ZC3H12B: variants seen among roughly 807,000 people sequenced by gnomAD.
ZC3H12B encodes probable ribonuclease ZC3H12B.
ZC3H12B carries 7 observed loss-of-function variants against 43.9 expected under a neutral mutation model. The observed-to-expected ratio is 0.16, with a 90% confidence interval of 0.09 to 0.30. ZC3H12B has a LOEUF of 0.30. Among genes scored for constraint, ZC3H12B ranks in the 10% least tolerant of loss-of-function variants. The pLI is 1.00. For missense variants in ZC3H12B, 475 were observed against 670.2 expected (o/e 0.71, Z 3.22); for synonymous variants, 222 against 241.7 (o/e 0.92, Z 0.76).
At chrX:65,154,922 A>T in the ZC3H12B span, among the ~76,000 whole-genome samples, 3 of 111,282 alleles carry the variant, frequency 2.7e-5, no homozygotes, top group African/African-American at 9.8e-5. Context: ...AATGGTTATT[A>T]TCTATTAGCT....
chrX:65,078,389 C>G, the ZC3H12B span, among the ~76,000 whole-genome samples: 1 of 111,934 alleles, frequency 8.9e-6, no homozygotes, highest in Non-Finnish European at 1.9e-5. Flanking sequence ...TCCAACGTTT[C>G]AAGTTCAGGA....
At chrX:65,411,792 A>T (rs2148068148) in intron 3 of ZC3H12B, among the ~76,000 whole-genome samples, 1 of 110,047 alleles carries the variant, frequency 9.1e-6, no homozygotes, top group African/African-American at 3.3e-5. Context: ...AACACAAAGG[A>T]TAAATGCTTG....
the ZC3H12B span, among the ~76,000 whole-genome samples, chrX:65,198,075 G>A: frequency 8.9e-6 from 1 of 111,824 alleles, no homozygotes; most frequent in Non-Finnish European, 1.9e-5. Context: ...CCGACCTTCA[G>A]GTTATGACAT....
the ZC3H12B span, among the ~76,000 whole-genome samples, chrX:65,236,893 T>C: frequency 8.9e-6 from 1 of 112,028 alleles, no homozygotes; most frequent in Non-Finnish European, 1.9e-5. Flanking sequence ...TCTATTATCT[T>C]CCATTAGTCT....
At chrX:65,180,901 C>T in the ZC3H12B span, among the ~76,000 whole-genome samples, 1 of 111,396 alleles carries the variant, frequency 9.0e-6, no homozygotes. Flanking sequence ...CCAGAAACTA[C>T]TTCAAATTTC....
At chrX:65,066,365 C>G in the ZC3H12B span, among the ~76,000 whole-genome samples, 2 of 111,481 alleles carry the variant, frequency 1.8e-5, no homozygotes, top group Non-Finnish European at 3.8e-5. Flanking sequence ...TTATTCCTTT[C>G]TATTTGTTAG....
chrX:65,388,356 C>G (rs2066560603), intron 2 of ZC3H12B, among the ~76,000 whole-genome samples: 1 of 111,505 alleles, frequency 9.0e-6, no homozygotes, highest in Admixed American at 9.6e-5. Context: ...ATCCTTTTTT[C>G]TCTAAACTTC....
At chrX:65,183,231 C>T in the ZC3H12B span, among the ~76,000 whole-genome samples, 1 of 111,329 alleles carries the variant, frequency 9.0e-6, no homozygotes. Context: ...TTTTATGCGG[C>T]CATAAAAAAA....
the ZC3H12B span, among the ~76,000 whole-genome samples, chrX:65,163,687 A>C: frequency 9.0e-6 from 1 of 111,327 alleles, no homozygotes; most frequent in Non-Finnish European, 1.9e-5. Flanking sequence ...CCTTTCTTTG[A>C]CTAGGAAAGG....
At chrX:65,232,724 G>T in the ZC3H12B span, among the ~76,000 whole-genome samples, 5 of 110,877 alleles carry the variant, frequency 4.5e-5, no homozygotes, top group South Asian at 1.2e-3. Flanking sequence ...CAAAATAGTG[G>T]TAGTAAGTCC....
the ZC3H12B span, among the ~76,000 whole-genome samples, chrX:65,245,923 T>TA: frequency 1.3e-3 from 134 of 102,737 alleles, 1 homozygote; most frequent in East Asian, 6.3e-3. Context: ...TTAAAATATT[T>TA]AAAAAAAAAA....
chrX:65,269,156 C>A, the ZC3H12B span, among the ~76,000 whole-genome samples: 2 of 110,338 alleles, frequency 1.8e-5, no homozygotes, highest in Non-Finnish European at 3.8e-5. Flanking sequence ...ACTATCCTGG[C>A]CAACATGGTG....
chrX:65,489,960 C>A (rs2068181149), intron 1 of ZC3H12B, among the ~76,000 whole-genome samples: 1 of 111,477 alleles, frequency 9.0e-6, no homozygotes, highest in African/African-American at 3.3e-5. Context: ...CATGTCTTTT[C>A]CCAAATTAGA....
At chrX:65,046,219 A>G in the ZC3H12B span, among the ~76,000 whole-genome samples, 1 of 112,009 alleles carries the variant, frequency 8.9e-6, no homozygotes, top group Admixed American at 9.5e-5. Context: ...CTTTGAAGCC[A>G]GACATTGACT....
At chrX:65,119,751 G>T in the ZC3H12B span, among the ~76,000 whole-genome samples, 1 of 111,782 alleles carries the variant, frequency 8.9e-6, no homozygotes, top group Non-Finnish European at 1.9e-5. Context: ...TATTGCCTAG[G>T]TTTTCTTCTA....
chrX:65,453,789 A>T (rs899901497), intron 3 of ZC3H12B, among the ~76,000 whole-genome samples: 1 of 111,320 alleles, frequency 9.0e-6, no homozygotes, highest in Admixed American at 9.6e-5. Flanking sequence ...ATTAGAAACC[A>T]TTATTCTCAG....
the ZC3H12B span, among the ~76,000 whole-genome samples, chrX:65,227,432 A>C: frequency 4.5e-5 from 5 of 111,615 alleles, no homozygotes; most frequent in African/African-American, 1.6e-4. Flanking sequence ...AGAAAGCAGG[A>C]AAGATCCAAA....
the ZC3H12B span, among the ~76,000 whole-genome samples, chrX:65,229,849 C>T: frequency 1.8e-5 from 2 of 109,584 alleles, no homozygotes; most frequent in African/African-American, 6.6e-5. Flanking sequence ...CATCTCACAC[C>T]AGTTAGAATG....
intron 3 of ZC3H12B, among the ~76,000 whole-genome samples, chrX:65,448,483 A>G (rs1424640099): frequency 8.9e-6 from 1 of 111,767 alleles, no homozygotes; most frequent in Admixed American, 9.5e-5. Context: ...TTGCAAAGAT[A>G]TAGAAAGAAC....
Sources: gnomAD v4.1 joint callset for allele counts (sites outside exome capture counted in the v4.1 genomes callset) on GRCh38, gnomAD v4.1.1 for gene constraint, MANE v1.5 for transcripts, NCBI Gene and HGNC (gene_info 2026-07-23, HGNC 2026-07-21) for gene names.